Variants in PLCG2 observed in about 807,000 individuals in gnomAD.
PLCG2 encodes the protein 1-phosphatidylinositol 4,5-bisphosphate phosphodiesterase gamma-2.
Under a neutral mutation model 175.6 loss-of-function variants are expected in PLCG2, and 69 were observed. That is an observed-to-expected ratio of 0.39 (90% confidence interval 0.32 to 0.48). The LOEUF (loss-of-function observed/expected upper bound fraction) is 0.48, where lower values mean the gene tolerates loss of function less well. Among genes scored for constraint, PLCG2 ranks in the 20% least tolerant of loss-of-function variants. The pLI is 0.91. For synonymous variants in PLCG2, 827 were observed against 624.0 expected, an observed-to-expected ratio of 1.33 and a Z score of -4.85; for missense variants, 1,798 against 1,650.9, an observed-to-expected ratio of 1.09 and a Z score of -1.54.
rs781125899 is a variant in PLCG2, at chr16:81,900,720, G to A, written c.1302G>A (p.Thr434=). 7.4e-6 allele frequency: 12 copies of A among 1,613,198 alleles called. No individual in the cohort carries two copies. The highest frequency in any genetic ancestry group is 1.7e-5 in the Admixed American group (1 of 59,976). Reference sequence around the variant, plus strand: ...GCGACCTGCTGTTGACGAAGCCCACGGAGGCCAGTGCTGACCAGCTGCCCT... The same window carrying A: ...GCGACCTGCTGTTGACGAAGCCCACAGAGGCCAGTGCTGACCAGCTGCCCT... ...VFGDLLLTKP[T]EASADQLPSP... Residue 434 remains threonine (T), a synonymous_variant, in exon 14 of 33, where the codon ACG becomes ACA. Coordinates refer to ENST00000564138, the MANE Select transcript of PLCG2 (RefSeq NM_002661.5).
chr16:81,943,242 G>C (rs923567580), intron 30 of PLCG2, among the ~76,000 whole-genome samples: 48 of 152,320 alleles, frequency 3.2e-4, no homozygotes, highest in African/African-American at 1.2e-3. Context: ...AATTTATAAA[G>C]AAAAGAGGTT....
intron 2 of PLCG2, among the ~76,000 whole-genome samples, chr16:81,789,135 A>G (rs1292061731): frequency 2.6e-5 from 4 of 152,176 alleles, no homozygotes; most frequent in African/African-American, 9.7e-5. Flanking sequence ...AATAAAATAA[A>G]ATAAATATAT....
chr16:81,928,352 A>G (rs2143704831), intron 23 of PLCG2, among the ~76,000 whole-genome samples: 1 of 151,806 alleles, frequency 6.6e-6, no homozygotes, highest in Middle Eastern at 3.4e-3. Context: ...GAAACTCCGA[A>G]CCTCCTGGCA....
In PLCG2 at chr16:81,944,618, C is replaced by T. The variant is rs550298174; in HGVS notation, c.3482-1557C>T. On this transcript the variant is annotated intron_variant, in intron 30 of 32. Transcript: ENST00000564138. Reference sequence around the variant, plus strand: ...TAGCTGGGACTACAGGTGTGCATCACTGTGCCCAGCTAAATTTTTTATTTT... The same window carrying T: ...TAGCTGGGACTACAGGTGTGCATCATTGTGCCCAGCTAAATTTTTTATTTT... 5.8e-3 allele frequency among the ~76,000 whole-genome samples: 883 copies of T among 152,258 alleles called. 4 individuals carry two copies. Among genetic ancestry groups the T allele is most frequent in the Non-Finnish European group, 9.5e-3 (645 of 68,012 alleles).
rs1156904033 is a variant in PLCG2 at position 81,854,441 on chromosome 16, T to C, written c.194-3T>C. The C allele has an allele frequency of 3.7e-6, 6 of 1,613,778 alleles. No individual in the cohort carries two copies. Among genetic ancestry groups the C allele is most frequent in the Middle Eastern group, 1.6e-4 (1 of 6,062 alleles). On this transcript the variant is annotated splice_region_variant and splice_polypyrimidine_tract_variant and intron_variant, in intron 2 of 32. Coordinates refer to ENST00000564138, the MANE Select transcript of PLCG2 (RefSeq NM_002661.5). ...TAATTGGCTCATGTTAATTTCATTT[T>C]AGTGGATATCATGGAAATAAAAGAA...
chr16:81,958,855 G>C lies in PLCG2; in HGVS notation c.*857G>C. On this transcript the variant is annotated 3_prime_UTR_variant, in exon 33 of 33. Transcript: ENST00000564138. ...CTCCACAGGCAAGAGGTCAACTGCT[G>C]CTTGAAAGAGGTAGACAAAAGTTAG... 1 of 220,372 alleles carries C rather than the reference G, an allele frequency of 4.5e-6. No individual in the cohort carries two copies. Among genetic ancestry groups the C allele is most frequent in the African/African-American group, 2.2e-5 (1 of 44,674 alleles). The allele number at this position is 220,372 out of a possible 1,614,324, so 13.7% of individuals were successfully genotyped here. A position where few individuals can be genotyped will look rare whatever the true frequency, so the allele number is the denominator to read the frequency against.
intron 1 of PLCG2, chr16:81,783,010 A>G: frequency 2.3e-6 from 1 of 425,990 alleles, no homozygotes; most frequent in Non-Finnish European, 4.6e-6. Context: ...GGCTGAGTTG[A>G]TCCACTGGGC....
intron 2 of PLCG2, among the ~76,000 whole-genome samples, chr16:81,840,597 C>G (rs1202231369): frequency 6.6e-6 from 1 of 152,186 alleles, no homozygotes; most frequent in Non-Finnish European, 1.5e-5. Context: ...AGTGTACAAC[C>G]TGGGTCCCTC....
intron 7 of PLCG2, 111 bp downstream of exon 7, chr16:81,871,046 C>T: frequency 6.9e-6 from 4 of 575,596 alleles, no homozygotes; most frequent in South Asian, 4.7e-5. Context: ...CCATTTTAGT[C>T]AAGGAAACAT....
intron 2 of PLCG2, among the ~76,000 whole-genome samples, chr16:81,840,967 T>A (rs1163858172): frequency 6.6e-6 from 1 of 152,158 alleles, no homozygotes; most frequent in Non-Finnish European, 1.5e-5. Context: ...AGCACCAGTT[T>A]CCCCAGTATC....
chr16:81,957,081 C>G (rs1911604025), intron 32 of PLCG2, among the ~76,000 whole-genome samples: 1 of 152,050 alleles, frequency 6.6e-6, no homozygotes, highest in African/African-American at 2.4e-5. Flanking sequence ...GTTGGATCAC[C>G]TGAGGTCAGG....
chr16:81,778,242 C>A (rs930494081), upstream of PLCG2, among the ~76,000 whole-genome samples: 1 of 151,806 alleles, frequency 6.6e-6, no homozygotes, highest in Non-Finnish European at 1.5e-5. Flanking sequence ...GTGTGGTGTG[C>A]CTCTATAGTC....
At chr16:81,841,432 C>T (rs916909798) in intron 2 of PLCG2, among the ~76,000 whole-genome samples, 7 of 151,914 alleles carry the variant, frequency 4.6e-5, no homozygotes, top group African/African-American at 1.7e-4. Flanking sequence ...GTAGAGACAG[C>T]ATTTCACTAT....
intron 29 of PLCG2, 87 bp downstream of exon 29, chr16:81,939,002 T>C (rs369296271): frequency 1.6e-5 from 12 of 746,724 alleles, no homozygotes; most frequent in East Asian, 1.1e-4. Flanking sequence ...GATTTTGCAA[T>C]GCTCTTTAGT....
intron 2 of PLCG2, among the ~76,000 whole-genome samples, chr16:81,813,897 C>A (rs1351230907): frequency 6.6e-6 from 1 of 152,200 alleles, no homozygotes; most frequent in African/African-American, 2.4e-5. Context: ...AAGGAAGTCA[C>A]AAGGCCAGCC....
At chr16:81,931,380 C>A in intron 24 of PLCG2, 117 bp from the exon 25 acceptor site, 1 of 904,090 alleles carries the variant, frequency 1.1e-6, no homozygotes, top group Non-Finnish European at 1.7e-6. Context: ...TCAGTGCTAA[C>A]CGTGGTCATA....
intron 2 of PLCG2, among the ~76,000 whole-genome samples, chr16:81,771,975 G>T (rs1026606441): frequency 6.6e-6 from 1 of 152,054 alleles, no homozygotes; most frequent in Admixed American, 6.6e-5. Flanking sequence ...TAGAGACGGG[G>T]TTTCACCATG....
intron 2 of PLCG2, among the ~76,000 whole-genome samples, chr16:81,792,480 C>CAAAAAAAAAAAAAAAAAAAAA (rs532680550): frequency 4.3e-5 from 3 of 70,162 alleles, no homozygotes; most frequent in Non-Finnish European, 7.4e-5. Context: ...GGCTCTGTCT[C>CAAAAAAAAAAAAAAAAAAAAA]AAAAAAAAAA....
Position 81,861,968 on chromosome 16 carries a change from C to T in PLCG2, c.479+2805C>T, listed in dbSNP as rs114501233. ...TCATCCCTGTGTGCTCACCGGCTTC[C>T]TCTCCTCTACCTCCCTCCCAGTGGG... On this transcript the variant is annotated intron_variant, in intron 5 of 32. Transcript: ENST00000564138. 6.2e-3 allele frequency among the ~76,000 whole-genome samples: 944 copies of T among 152,348 alleles called. 12 individuals are homozygous for T. The highest frequency in any genetic ancestry group is 0.022 in the African/African-American group (899 of 41,580).
Sources: allele counts gnomAD v4.1 joint callset (sites outside exome capture counted in the v4.1 genomes callset), GRCh38; gene constraint gnomAD v4.1.1; transcripts MANE v1.5; gene names NCBI Gene and HGNC (gene_info 2026-07-23, HGNC 2026-07-21).